The following GPC3 variants were observed in gnomAD, a reference collection of about 807,000 sequenced individuals.
The protein encoded by GPC3 is glypican 3.
Under a neutral mutation model 34.4 loss-of-function variants are expected in GPC3, and 3 were observed. That is an observed-to-expected ratio of 0.09 (90% confidence interval 0.04 to 0.23). The LOEUF (loss-of-function observed/expected upper bound fraction) is 0.23. GPC3 is among the 10% of genes least tolerant of loss of function. The pLI is 1.00. For synonymous variants in GPC3, 177 were observed against 174.0 expected (o/e 1.02, Z -0.13); for missense variants, 351 against 445.6 (o/e 0.79, Z 1.91).
At position 133,985,268 on chromosome X, in the gene GPC3, T is replaced by A. The variant is rs758916914; in HGVS notation, c.175+7A>T. 8.3e-7 allele frequency: 1 copy of A among 1,210,146 alleles called. No homozygotes were observed. On this transcript the variant is annotated splice_region_variant and intron_variant, in intron 1 of 7. Transcript: ENST00000370818. ...GCGCTAGGCACGCTCAAGGGACCCC[T>A]CCTCACCTGGCACGGGAGTTTCTGG...
chrX:133,703,863 G>A (rs1197372566), intron 3 of GPC3, among the ~76,000 whole-genome samples: 1 of 112,333 alleles, frequency 8.9e-6, no homozygotes, highest in Non-Finnish European at 1.9e-5. Context: ...ACCCAGCAAG[G>A]TATAGATCAG....
chrX:133,683,686 A>G (rs2070968132), intron 5 of GPC3, among the ~76,000 whole-genome samples: 1 of 112,358 alleles, frequency 8.9e-6, no homozygotes, highest in Non-Finnish European at 1.9e-5. Flanking sequence ...ATGACAGTCA[A>G]CCAAGTCTAA....
Position 133,817,994 on chromosome X carries a change from C to T in GPC3, c.338-63818G>A, listed in dbSNP as rs1018233836. Among the ~76,000 whole-genome samples the T allele has an allele frequency of 1.4e-4, 16 of 111,325 alleles. No individual in the cohort carries two copies. In the East Asian group the frequency reaches 2.5e-3, roughly 18 times the overall value. On this transcript the variant is annotated intron_variant, in intron 2 of 7. Coordinates refer to ENST00000370818, the MANE Select transcript of GPC3 (RefSeq NM_004484.4). ...CATTTACACTGTCAGCTTTCCTTCT[C>T]TTACTGTAAAATCTTTTCTATTGAC...
chrX:133,567,918 G>A (rs2069595829), intron 7 of GPC3, among the ~76,000 whole-genome samples: 1 of 111,817 alleles, frequency 8.9e-6, no homozygotes, highest in Non-Finnish European at 1.9e-5. Flanking sequence ...ACCTTTCAAA[G>A]ACACTTTGAA....
intron 6 of GPC3, among the ~76,000 whole-genome samples, chrX:133,642,589 T>C (rs1299471153): frequency 2.7e-5 from 3 of 109,217 alleles, no homozygotes; most frequent in African/African-American, 1.0e-4. Context: ...CTGACCAACA[T>C]GGAGAAACCC....
intron 2 of GPC3, among the ~76,000 whole-genome samples, chrX:133,758,792 A>G (rs767994331): frequency 9.0e-6 from 1 of 111,651 alleles, no homozygotes; most frequent in Non-Finnish European, 1.9e-5. Flanking sequence ...TCATATGATC[A>G]TATGAGTAAA....
chrX:133,631,934 C>T (rs2070371237), intron 6 of GPC3, among the ~76,000 whole-genome samples: 2 of 109,740 alleles, frequency 1.8e-5, no homozygotes, highest in South Asian at 7.7e-4. Flanking sequence ...AAAACAAACT[C>T]AAACCAACAA....
intron 6 of GPC3, among the ~76,000 whole-genome samples, chrX:133,649,053 T>C (rs1481300406): frequency 2.7e-5 from 3 of 111,630 alleles, no homozygotes; most frequent in African/African-American, 9.8e-5. Flanking sequence ...TCTGTACCTT[T>C]GTCTGCAGCC....
intron 2 of GPC3, among the ~76,000 whole-genome samples, chrX:133,836,622 T>G (rs1029794433): frequency 8.9e-6 from 1 of 112,242 alleles, no homozygotes; most frequent in Non-Finnish European, 1.9e-5. Flanking sequence ...TTTGTAACCA[T>G]TGGCCCCCAA....
intron 2 of GPC3, among the ~76,000 whole-genome samples, chrX:133,813,317 C>T (rs1388663840): frequency 2.7e-5 from 3 of 112,310 alleles, no homozygotes; most frequent in Non-Finnish European, 5.6e-5. Flanking sequence ...GTCGTAGCCC[C>T]TTAGCTAAAA....
intron 2 of GPC3, among the ~76,000 whole-genome samples, chrX:133,951,349 T>G (rs1260102805): frequency 9.0e-6 from 1 of 110,618 alleles, no homozygotes; most frequent in Non-Finnish European, 1.9e-5. Flanking sequence ...GGCCCTCAGA[T>G]ACATAGCCAT....
chrX:133,770,273 C>CA (rs371995930), intron 2 of GPC3, among the ~76,000 whole-genome samples: 23 of 102,149 alleles, frequency 2.3e-4, no homozygotes, highest in South Asian at 2.2e-3. Context: ...AAGACCCTGT[C>CA]AAAAAAAAAA....
At chrX:133,746,811 A>G (rs2071617590) in intron 3 of GPC3, among the ~76,000 whole-genome samples, 1 of 112,015 alleles carries the variant, frequency 8.9e-6, no homozygotes, top group Non-Finnish European at 1.9e-5. Flanking sequence ...AGGTATCTCT[A>G]TCTGAGACTG....
chrX:133,823,427 G>A (rs2075730556), intron 2 of GPC3, among the ~76,000 whole-genome samples: 1 of 111,028 alleles, frequency 9.0e-6, no homozygotes, highest in South Asian at 3.8e-4. Flanking sequence ...TCTTCATATA[G>A]TAGGAAAATG....
chrX:133,602,215 A>G (rs2069989943), intron 6 of GPC3, among the ~76,000 whole-genome samples: 1 of 111,949 alleles, frequency 8.9e-6, no homozygotes, highest in Non-Finnish European at 1.9e-5. Context: ...GAGCTAAAAA[A>G]AAGTTGAGCC....
In GPC3 at chrX:133,948,167, A is replaced by C. The variant is rs748507785; in HGVS notation, c.337+4883T>G. ...ATTGAATCTCAAAAACATGTTTATC[A>C]ACATTCAAGCAATTATTGAGTCACA... On this transcript the variant is annotated intron_variant, in intron 2 of 7. Coordinates refer to ENST00000370818, the MANE Select transcript of GPC3 (RefSeq NM_004484.4). 7.2e-4 allele frequency among the ~76,000 whole-genome samples: 80 copies of C among 111,644 alleles called. 1 individual carries two copies. The highest frequency in any genetic ancestry group is 2.3e-3 in the African/African-American group (70 of 30,779).
At chrX:133,790,595 T>C (rs1455915793) in intron 2 of GPC3, among the ~76,000 whole-genome samples, 1 of 111,793 alleles carries the variant, frequency 8.9e-6, no homozygotes, top group African/African-American at 3.3e-5. Context: ...TTATCTTCAG[T>C]TGTAGAAAAA....
At chrX:133,566,329 A>G (rs1412185514) in intron 7 of GPC3, among the ~76,000 whole-genome samples, 1 of 111,915 alleles carries the variant, frequency 8.9e-6, no homozygotes, top group Non-Finnish European at 1.9e-5. Flanking sequence ...TCAGACATGC[A>G]GCTCAGGAAA....
At chrX:133,865,662 A>G (rs1486258391) in intron 2 of GPC3, among the ~76,000 whole-genome samples, 1 of 112,384 alleles carries the variant, frequency 8.9e-6, no homozygotes, top group African/African-American at 3.2e-5. Context: ...AATATTTTCT[A>G]ATCTTTTCCT....
Sources: allele counts gnomAD v4.1 joint callset (sites outside exome capture counted in the v4.1 genomes callset), GRCh38; gene constraint gnomAD v4.1.1; transcripts MANE v1.5; gene names NCBI Gene and HGNC (gene_info 2026-07-23, HGNC 2026-07-21).